ANKDD1A: variants seen among roughly 807,000 people sequenced by gnomAD.
The protein encoded by ANKDD1A is ankyrin repeat and death domain-containing protein 1A.
In ANKDD1A, 59 loss-of-function variants were observed where a neutral mutation model predicts 63.5. The observed-to-expected ratio is 0.93, with a 90% CI of 0.75 to 1.15. The LOEUF is 1.15. Among genes scored for constraint, ANKDD1A ranks in the 50% most tolerant of loss-of-function variants. The pLI is 0.00. For missense variants in ANKDD1A, 632 were observed against 656.4 expected (o/e 0.96, Z 0.41); for synonymous variants, 266 against 263.9 (o/e 1.01, Z -0.08).
chr15:64,922,228 C>A, intron 4 of ANKDD1A: 1 of 557,314 alleles, frequency 1.8e-6, no homozygotes, highest in East Asian at 3.0e-5. Context: ...TCCTTATTTA[C>A]AAGAGAGAAA....
At chr15:64,928,248 C>A (rs779536898) in intron 6 of ANKDD1A, among the ~76,000 whole-genome samples, 1 of 152,250 alleles carries the variant, frequency 6.6e-6, no homozygotes, top group Non-Finnish European at 1.5e-5. Flanking sequence ...GGGTTCTGCA[C>A]TGAGTCCATC....
At chr15:64,930,718 A>G (rs1437707378) in intron 6 of ANKDD1A, 104 bp from the exon 7 acceptor site, 1 of 1,114,296 alleles carries the variant, frequency 9.0e-7, no homozygotes, top group Non-Finnish European at 1.3e-6. Context: ...AGTTGTCAGG[A>G]GCAGGGTGGC....
chr15:64,953,630 C>CTTAGTTCTTCTTAGTTCTTCTT (rs1467278506), intron 14 of ANKDD1A, among the ~76,000 whole-genome samples: 5 of 20,724 alleles, frequency 2.4e-4, no homozygotes, highest in Non-Finnish European at 8.5e-4. Flanking sequence ...TCTTCTTCTT[C>CTTAGTTCTTCTTAGTTCTTCTT]CTTCTTCTTC....
intron 9 of ANKDD1A, among the ~76,000 whole-genome samples, chr15:64,938,116 A>G (rs1021101680): frequency 6.6e-6 from 1 of 152,216 alleles, no homozygotes; most frequent in Admixed American, 6.5e-5. Flanking sequence ...TACTGATATA[A>G]ATAAATGATT....
intron 3 of ANKDD1A, among the ~76,000 whole-genome samples, chr15:64,918,848 G>T (rs2084988940): frequency 1.3e-5 from 2 of 152,054 alleles, no homozygotes; most frequent in South Asian, 4.2e-4. Flanking sequence ...CAGCTGCTGG[G>T]GAGGCTGAGG....
At chr15:64,951,884 CTTCTTTCT>C (rs149630930) in intron 14 of ANKDD1A, among the ~76,000 whole-genome samples, 45,359 of 138,272 alleles carry the variant, frequency 0.33, 8,011 homozygotes, top group South Asian at 0.47. Flanking sequence ...TTCTTCTTTC[CTTCTTTCT>C]TTTTCTTTTC....
At chr15:64,931,418 C>A in intron 7 of ANKDD1A, 69 bp from the exon 8 acceptor site, 1 of 1,474,036 alleles carries the variant, frequency 6.8e-7, no homozygotes, top group Non-Finnish European at 9.3e-7. Flanking sequence ...CATCCTCTCA[C>A]CGTGGGATTG....
At chr15:64,953,342 TCC>T (rs2140390325) in intron 14 of ANKDD1A, among the ~76,000 whole-genome samples, 1 of 150,828 alleles carries the variant, frequency 6.6e-6, no homozygotes, top group African/African-American at 2.4e-5. Context: ...ATTCTTCCTC[TCC>T]TTCTTCTTAG....
At chr15:64,952,438 CCTTT>C (rs1566916656) in intron 14 of ANKDD1A, among the ~76,000 whole-genome samples, 67 of 144,988 alleles carry the variant, frequency 4.6e-4, no homozygotes, top group Non-Finnish European at 1.2e-4. Context: ...TTCTCCTCCT[CCTTT>C]CTTCTTCTTA....
intron 8 of ANKDD1A, 60 bp from the exon 9 acceptor site, chr15:64,934,076 T>C (rs1185242141): frequency 1.7e-5 from 24 of 1,413,802 alleles, no homozygotes; most frequent in Non-Finnish European, 2.3e-5. Flanking sequence ...CTCGAAGAGC[T>C]TTGCAAACCT....
At chr15:64,951,585 C>CTT (rs1263743870) in intron 14 of ANKDD1A, 1 of 3,746 alleles carries the variant, frequency 2.7e-4, no homozygotes, top group African/African-American at 5.8e-4. Flanking sequence ...TCTTCTTCTT[C>CTT]CTTTTCTTTC....
rs114560177 is a variant in ANKDD1A at position 64,937,868 on chromosome 15, G to A, written c.867+3634G>A. On this transcript the variant is annotated intron_variant, in intron 9 of 14. Coordinates refer to ENST00000319580, the MANE Select transcript of ANKDD1A (RefSeq NM_182703.6). Reference sequence around the variant, plus strand: ...CTACTACAAGGAACCAAGATTCTTTGGGAAAATGGCTCAGTCTAGGACTAG... The same window carrying A: ...CTACTACAAGGAACCAAGATTCTTTAGGAAAATGGCTCAGTCTAGGACTAG... Among the ~76,000 whole-genome samples, 1,091 of 152,236 alleles carry A rather than the reference G, an allele frequency of 7.2e-3. 18 individuals carry two copies. The highest frequency in any genetic ancestry group is 0.025 in the African/African-American group (1,027 of 41,540).
intron 9 of ANKDD1A, among the ~76,000 whole-genome samples, chr15:64,936,767 G>A (rs142954480): frequency 0.017 from 2,525 of 152,126 alleles, 83 homozygotes; most frequent in Admixed American, 0.085. Context: ...TCACTTGAGC[G>A]GAGGAGGTTG....
Position 64,946,409 on chromosome 15 carries a change from G to A in ANKDD1A, c.1162-995G>A, listed in dbSNP as rs558498189. Among the ~76,000 whole-genome samples the A allele has an allele frequency of 5.9e-5, 9 of 152,274 alleles. No individual in the cohort carries two copies. The East Asian group carries it at 1.5e-3, about 26-fold the overall frequency. ...TCATAAGATGTTCTCCCACTGATAT[G>A]CTAGATTCCCTTAAACATGACAACC... On this transcript the variant is annotated intron_variant, in intron 12 of 14. Transcript: ENST00000319580.
At chr15:64,938,287 A>G (rs77126421) in intron 9 of ANKDD1A, among the ~76,000 whole-genome samples, 4,884 of 152,286 alleles carry the variant, frequency 0.032, 244 homozygotes, top group South Asian at 0.12. Flanking sequence ...GTACGGGAAG[A>G]GGAAAAGAGT....
chr15:64,914,985 G>A (rs1286172187), intron 1 of ANKDD1A, among the ~76,000 whole-genome samples: 1 of 152,128 alleles, frequency 6.6e-6, no homozygotes, highest in African/African-American at 2.4e-5. Context: ...GTGGGCAGGT[G>A]GAAGCTGGTT....
At chr15:64,911,986 A>AGGGG (rs1421898005) in intron 1 of ANKDD1A, 22 bp downstream of exon 1, 2 of 240,292 alleles carry the variant, frequency 8.3e-6, no homozygotes, top group Non-Finnish European at 1.4e-5. Context: ...TGGAGGAGGG[A>AGGGG]GGGGGGCGGG....
intron 12 of ANKDD1A, 135 bp downstream of exon 12, chr15:64,944,882 G>A: frequency 3.9e-6 from 3 of 776,564 alleles, no homozygotes; most frequent in Admixed American, 5.5e-5. Context: ...TCACCACCTT[G>A]TATGTTACCA....
At chr15:64,953,638 T>TTCCTTCTTTC in intron 14 of ANKDD1A, among the ~76,000 whole-genome samples, 1 of 12,578 alleles carries the variant, frequency 8.0e-5, no homozygotes, top group African/African-American at 1.0e-4. Flanking sequence ...TTCCTTCTTC[T>TTCCTTCTTTC]TCCTCTTCCT....
Sources: allele counts gnomAD v4.1 joint callset (sites outside exome capture counted in the v4.1 genomes callset), GRCh38; gene constraint gnomAD v4.1.1; transcripts MANE v1.5; gene names NCBI Gene and HGNC (gene_info 2026-07-23, HGNC 2026-07-21).